The following CDH13 variants were observed in gnomAD, a reference collection of about 807,000 sequenced individuals.
The protein encoded by CDH13 is cadherin-13.
A neutral mutation model predicts 63.8 loss-of-function variants in CDH13; 24 were observed. The ratio of observed to expected loss-of-function variants is 0.38; its 90% CI spans 0.27 to 0.53. The LOEUF is 0.53. CDH13 is among the 20% of genes least tolerant of loss of function. The probability of loss-of-function intolerance (pLI) is 0.85; values close to 1 mark genes in which losing one functional copy is unlikely to be tolerated. For missense variants in CDH13, 1,049 were observed against 903.1 expected (o/e 1.16, Z -2.07); for synonymous variants, 503 against 355.3 (o/e 1.42, Z -4.67).
intron 3 of CDH13, among the ~76,000 whole-genome samples, chr16:83,034,266 G>A (rs1264772065): frequency 1.3e-5 from 2 of 152,102 alleles, no homozygotes; most frequent in African/African-American, 4.8e-5. Context: ...TGATCATTTA[G>A]TGGTGTTTCT....
chr16:82,962,801 G>T (rs16958961), intron 2 of CDH13, among the ~76,000 whole-genome samples: 110 of 152,170 alleles, frequency 7.2e-4, no homozygotes, highest in African/African-American at 2.6e-3. Flanking sequence ...AGCTTGATTC[G>T]CTGTGAAAAG....
In CDH13 at chr16:83,349,966, C is replaced by G. The variant is rs147437944; in HGVS notation, c.781+4960C>G. ...GCAGCTTTATCCTTTTTGGGGAGCTCAAGGAAATGACATTAAACACATACG... is the reference window on the plus strand; with the variant it reads ...GCAGCTTTATCCTTTTTGGGGAGCTGAAGGAAATGACATTAAACACATACG... On this transcript the variant is annotated intron_variant, in intron 6 of 13. Transcript: ENST00000567109. Among the ~76,000 whole-genome samples, 916 of 152,140 alleles carry G rather than the reference C, an allele frequency of 6.0e-3. 3 individuals are homozygous for G. Among genetic ancestry groups the G allele is most frequent in the Non-Finnish European group, 0.011 (718 of 68,002 alleles).
intron 1 of CDH13, among the ~76,000 whole-genome samples, chr16:82,793,117 A>C (rs16958672): frequency 6.6e-6 from 1 of 152,200 alleles, no homozygotes; most frequent in Non-Finnish European, 1.5e-5. Context: ...GGGCGACTAA[A>C]CAAGTGGCCC....
At chr16:83,774,432 G>A (rs1408389520) in intron 11 of CDH13, among the ~76,000 whole-genome samples, 1 of 152,082 alleles carries the variant, frequency 6.6e-6, no homozygotes, top group Non-Finnish European at 1.5e-5. Context: ...GAGTGCAGTG[G>A]TGCAGTCTCA....
chr16:83,326,362 T>G (rs2151899322), intron 5 of CDH13, among the ~76,000 whole-genome samples: 1 of 152,166 alleles, frequency 6.6e-6, no homozygotes, highest in Non-Finnish European at 1.5e-5. Flanking sequence ...ATCATTAGTA[T>G]CTCAAGGATT....
intron 2 of CDH13, among the ~76,000 whole-genome samples, chr16:82,908,819 G>A (rs932610176): frequency 2.4e-4 from 37 of 152,116 alleles, no homozygotes; most frequent in Admixed American, 2.2e-3. Flanking sequence ...CTCCCTATAC[G>A]GTTGACCCTT....
rs146243356 is a variant in CDH13 at position 83,037,768 on chromosome 16, A to G, written c.366+5550A>G. Among the ~76,000 whole-genome samples the G allele has an allele frequency of 4.7e-3, 716 of 152,230 alleles. 6 individuals are homozygous for G. The highest frequency in any genetic ancestry group is 0.034 in the Middle Eastern group (10 of 294). ...CTTATGTTGGACATGAGTGGGTTCA[A>G]ATTTCTGCTATGCCACTTACTCATT... On this transcript the variant is annotated intron_variant, in intron 3 of 13. Transcript: ENST00000567109.
chr16:82,888,105 AT>A (rs1331390133), intron 2 of CDH13, among the ~76,000 whole-genome samples: 3 of 151,980 alleles, frequency 2.0e-5, no homozygotes, highest in Non-Finnish European at 4.4e-5. Flanking sequence ...CTAAGACATT[AT>A]TTTTCTGAGA....
chr16:82,858,347 C>G lies in CDH13; in HGVS notation c.46-15C>G. The G allele has an allele frequency of 6.4e-7, 1 of 1,570,456 alleles. No homozygotes were observed. The highest frequency in any genetic ancestry group is 1.1e-5 in the South Asian group (1 of 89,988). ...TAAGCCGCTATTAAAATATTGATGG[C>G]TTTGGTTTTCTCAGGTGCTGCTGCT... On this transcript the variant is annotated splice_polypyrimidine_tract_variant and intron_variant, in intron 1 of 13. Coordinates refer to ENST00000567109, the MANE Select transcript of CDH13 (RefSeq NM_001257.5).
chr16:83,308,590 T>C (rs1219249406), intron 5 of CDH13, among the ~76,000 whole-genome samples: 1 of 152,224 alleles, frequency 6.6e-6, no homozygotes, highest in Non-Finnish European at 1.5e-5. Context: ...AAAGGCTTTA[T>C]GAAAACATTA....
intron 7 of CDH13, among the ~76,000 whole-genome samples, chr16:83,528,037 C>T (rs1009597779): frequency 6.6e-6 from 1 of 152,166 alleles, no homozygotes; most frequent in African/African-American, 2.4e-5. Flanking sequence ...TCCAAGTTCC[C>T]ACAGAGCTGA....
chr16:83,016,980 G>A (rs532575790), intron 2 of CDH13, among the ~76,000 whole-genome samples: 4 of 152,254 alleles, frequency 2.6e-5, no homozygotes, highest in Admixed American at 6.5e-5. Flanking sequence ...TGATGACTTC[G>A]TAGTGGAATA....
intron 1 of CDH13, among the ~76,000 whole-genome samples, chr16:82,700,038 G>A (rs2030791395): frequency 6.6e-6 from 1 of 151,970 alleles, no homozygotes; most frequent in Non-Finnish European, 1.5e-5. Flanking sequence ...GCCTGTTACA[G>A]AAGTTTGGTC....
chr16:82,974,708 A>G (rs1451122652), intron 2 of CDH13, among the ~76,000 whole-genome samples: 3 of 152,170 alleles, frequency 2.0e-5, no homozygotes, highest in African/African-American at 7.2e-5. Flanking sequence ...AGAGAGATTT[A>G]AAGATGCTCT....
intron 1 of CDH13, among the ~76,000 whole-genome samples, chr16:82,782,753 C>G (rs542967057): frequency 6.6e-6 from 1 of 152,102 alleles, no homozygotes; most frequent in East Asian, 1.9e-4. Flanking sequence ...TGCTGGAATC[C>G]GGCCTTCTGT....
chr16:83,368,031 ATATTG>A (rs1233830671), intron 6 of CDH13, among the ~76,000 whole-genome samples: 2 of 152,182 alleles, frequency 1.3e-5, no homozygotes, highest in Non-Finnish European at 2.9e-5. Context: ...ATATTTGATG[ATATTG>A]TAAATTGAAT....
chr16:82,911,300 G>A (rs58101558), intron 2 of CDH13, among the ~76,000 whole-genome samples: 1,994 of 152,282 alleles, frequency 0.013, 38 homozygotes, highest in African/African-American at 0.046. Flanking sequence ...GCAACATCAA[G>A]GAATAGTTTA....
intron 2 of CDH13, among the ~76,000 whole-genome samples, chr16:82,873,104 A>G (rs146549911): frequency 1.3e-5 from 2 of 152,276 alleles, no homozygotes; most frequent in East Asian, 3.9e-4. Flanking sequence ...TTTTCTAAGA[A>G]GCCAAGTCCT....
chr16:83,698,677 G>C (rs925925413), intron 10 of CDH13, among the ~76,000 whole-genome samples: 4 of 152,188 alleles, frequency 2.6e-5, no homozygotes, highest in Admixed American at 6.5e-5. Context: ...TGAGAGCTGG[G>C]TTTGCTAACA....
Sources: gnomAD v4.1 joint callset for allele counts (sites outside exome capture counted in the v4.1 genomes callset) on GRCh38, gnomAD v4.1.1 for gene constraint, MANE v1.5 for transcripts, NCBI Gene and HGNC (gene_info 2026-07-23, HGNC 2026-07-21) for gene names.